Variants in CPHXL observed in about 807,000 individuals in gnomAD.
CPHXL encodes the protein cytoplasmic polyadenylated homeobox like.
intron 2 of CPHXL, among the ~76,000 whole-genome samples, chr16:75,715,778 C>T (rs1419265051): frequency 6.6e-6 from 1 of 151,946 alleles, no homozygotes; most frequent in East Asian, 1.9e-4. Context: ...CTCACTGCAA[C>T]CTCCGCCTCC....
At chr16:75,718,566 A>G (rs1420218327) in intron 1 of CPHXL, 108 bp from the exon 2 acceptor site, 4 of 395,998 alleles carry the variant, frequency 1.0e-5, no homozygotes, top group African/African-American at 8.2e-5. Flanking sequence ...CCCCTTCCCA[A>G]GATGAAATCC....
chr16:75,725,751 G>GTTTTTTTTTTTTTT (rs1959548849), intron 1 of CPHXL, among the ~76,000 whole-genome samples: 1 of 103,184 alleles, frequency 9.7e-6, no homozygotes, highest in East Asian at 8.8e-4. Flanking sequence ...CGTGCCCGGC[G>GTTTTTTTTTTTTTT]TCTTTTTTTT....
At chr16:75,720,987 A>G (rs1325886257) in intron 1 of CPHXL, among the ~76,000 whole-genome samples, 2 of 152,234 alleles carry the variant, frequency 1.3e-5, no homozygotes, top group Non-Finnish European at 2.9e-5. Context: ...CCAGAATTTC[A>G]TATCCAGCCA....
chr16:75,724,825 C>T (rs1241710871), intron 1 of CPHXL, among the ~76,000 whole-genome samples: 3 of 152,230 alleles, frequency 2.0e-5, no homozygotes, highest in South Asian at 2.1e-4. Flanking sequence ...CACATGCACA[C>T]GTATGTTTAT....
chr16:75,715,005 C>T lies in CPHXL; in HGVS notation c.437G>A (p.Trp146Ter), dbSNP rs1959370295. 1 of 398,628 alleles carries T rather than the reference C, an allele frequency of 2.5e-6. No individual in the cohort carries two copies. The highest frequency in any genetic ancestry group is 4.4e-6 in the Non-Finnish European group (1 of 226,076). 24.7% of individuals were successfully genotyped at this position (398,628 alleles called of 1,614,324 possible). ...RAGCSHLEKQ[W>*]IPSQEMGYNC... is the part of the protein sequence containing the mutation. ...ATAGCCCATTTCTTGACTGGGAATC[C>T]ACTGTTTCTCCAGATGGGAGCAACC... The change falls in exon 3 of 3, where the codon TGG becomes TAG. Residue 146 changes from tryptophan (W) to a stop codon, truncating the protein, a stop_gained. Coordinates refer to ENST00000640559, the MANE Select transcript of CPHXL (RefSeq NM_001355613.1). LOFTEE classifies it low-confidence loss of function (END_TRUNC).
At chr16:75,725,665 G>T in intron 1 of CPHXL, among the ~76,000 whole-genome samples, 1 of 150,538 alleles carries the variant, frequency 6.6e-6, no homozygotes, top group East Asian at 2.0e-4. Context: ...TGTTAGCCAG[G>T]ATGGTCTCAA....
intron 1 of CPHXL, among the ~76,000 whole-genome samples, chr16:75,720,444 T>C (rs1261495887): frequency 6.6e-6 from 1 of 152,064 alleles, no homozygotes; most frequent in Non-Finnish European, 1.5e-5. Flanking sequence ...GCACGAGAAC[T>C]ACATGACGAA....
intron 1 of CPHXL, among the ~76,000 whole-genome samples, chr16:75,721,686 A>C (rs7185815): frequency 1 from 152,290 of 152,290 alleles, 76,145 homozygotes; most frequent in Non-Finnish European, 1. Context: ...CAACATTAGA[A>C]AGATCAATGA....
chr16:75,714,776 C>T lies in CPHXL; in HGVS notation c.666G>A (p.Met222Ile). The change falls in exon 3 of 3, where the codon ATG becomes ATA. Residue 222 changes from methionine (M) to isoleucine (I), a missense_variant. Met to Ile is a conservative substitution (Grantham distance 10). Coordinates refer to ENST00000640559, the MANE Select transcript of CPHXL (RefSeq NM_001355613.1). The part of the protein sequence containing the change: ...TGTEKHPGCA[M>I]GYGGDTGSGH... ...CACTTCCTGTGTCACCTCCATACCCCATAGCACAGCCTGGATGCTTTTCAG... is the reference window on the plus strand; with the variant it reads ...CACTTCCTGTGTCACCTCCATACCCTATAGCACAGCCTGGATGCTTTTCAG... 1 of 398,718 alleles carries T rather than the reference C, an allele frequency of 2.5e-6. No individual in the cohort carries two copies. The highest frequency in any genetic ancestry group is 4.4e-6 in the Non-Finnish European group (1 of 226,118). 24.7% of individuals were successfully genotyped at this position (398,718 alleles called of 1,614,324 possible).
intron 1 of CPHXL, among the ~76,000 whole-genome samples, chr16:75,723,501 G>A (rs551980075): frequency 1.6e-4 from 25 of 152,064 alleles, no homozygotes; most frequent in Non-Finnish European, 2.9e-4. Context: ...CCCATTTGCA[G>A]TTGCTTCAAA....
At chr16:75,725,481 C>G (rs1959542891) in intron 1 of CPHXL, among the ~76,000 whole-genome samples, 1 of 148,970 alleles carries the variant, frequency 6.7e-6, no homozygotes, top group African/African-American at 2.5e-5. Context: ...GAGACGGACT[C>G]TCGCTCTGTC....
intron 1 of CPHXL, among the ~76,000 whole-genome samples, chr16:75,724,957 G>A (rs1480590515): frequency 6.6e-6 from 1 of 152,132 alleles, no homozygotes; most frequent in African/African-American, 2.4e-5. Context: ...AAAAAATGAT[G>A]AGTTCATGTC....
At chr16:75,725,544 C>T (rs1567530453) in intron 1 of CPHXL, among the ~76,000 whole-genome samples, 1 of 151,728 alleles carries the variant, frequency 6.6e-6, no homozygotes, top group South Asian at 2.1e-4. Flanking sequence ...GCTCCGCCTC[C>T]CGGGTTCACG....
chr16:75,720,886 C>A (rs1959467609), intron 1 of CPHXL, among the ~76,000 whole-genome samples: 1 of 152,186 alleles, frequency 6.6e-6, no homozygotes, highest in South Asian at 2.1e-4. Context: ...GGAAGCCTAT[C>A]AGACTAACAG....
intron 1 of CPHXL, among the ~76,000 whole-genome samples, chr16:75,723,449 C>T (rs1363153505): frequency 6.6e-6 from 1 of 152,150 alleles, no homozygotes; most frequent in African/African-American, 2.4e-5. Context: ...CATTCTTATA[C>T]ACCAATAACA....
At chr16:75,722,114 G>A (rs1266515352) in intron 1 of CPHXL, among the ~76,000 whole-genome samples, 2 of 152,114 alleles carry the variant, frequency 1.3e-5, no homozygotes, top group Non-Finnish European at 2.9e-5. Context: ...AGTGTGTAGA[G>A]GGAAATTTAG....
chr16:75,724,730 A>T (rs1959529044), intron 1 of CPHXL, among the ~76,000 whole-genome samples: 2 of 152,204 alleles, frequency 1.3e-5, no homozygotes, highest in Admixed American at 6.5e-5. Flanking sequence ...TTCCTCAGGG[A>T]TCTAGAACTA....
rs898238948 is a variant in CPHXL at position 75,714,832 on chromosome 16, C to A, written c.610G>T (p.Ala204Ser). 4 of 398,550 alleles carry A rather than the reference C, an allele frequency of 1.0e-5. No homozygotes were observed. The highest frequency in any genetic ancestry group is 8.2e-5 in the African/African-American group (4 of 48,618). The allele number at this position is 398,550 out of a possible 1,614,324, so 24.7% of individuals were successfully genotyped here. ...GTGACCAGATAGGAACTCTGGGAGG[C>A]CACCTGTTGACTGGGAATCCCTAGT... ...EKLGIPSQQV[A>S]SQSSYLVTGT... The change falls in exon 3 of 3, where the codon GCC becomes TCC. Residue 204 changes from alanine (A) to serine (S), a missense_variant. Ala to Ser is a moderately conservative substitution (Grantham distance 99, BLOSUM62 1). Coordinates refer to ENST00000640559, the MANE Select transcript of CPHXL (RefSeq NM_001355613.1).
At chr16:75,723,311 G>T (rs1248356234) in intron 1 of CPHXL, among the ~76,000 whole-genome samples, 1 of 152,178 alleles carries the variant, frequency 6.6e-6, no homozygotes, top group Non-Finnish European at 1.5e-5. Flanking sequence ...AAGTCAAATT[G>T]TCCCTGTTTG....
Sources: allele counts gnomAD v4.1 joint callset (sites outside exome capture counted in the v4.1 genomes callset), GRCh38; gene constraint gnomAD v4.1.1; transcripts MANE v1.5; gene names NCBI Gene and HGNC (gene_info 2026-07-23, HGNC 2026-07-21).